The following SMOX variants were observed in gnomAD, a reference collection of about 807,000 sequenced individuals.
The protein encoded by SMOX is spermine oxidase, also known as flavin containing amine oxidase.
Under a neutral mutation model 51.0 loss-of-function variants are expected in SMOX, and 22 were observed. The ratio of observed to expected loss-of-function variants is 0.43; its 90% CI spans 0.31 to 0.62. The LOEUF (loss-of-function observed/expected upper bound fraction) is 0.62, where lower values mean the gene tolerates loss of function less well. Ranked by LOEUF, SMOX falls within the 20% of genes least tolerant of loss-of-function variation. The pLI, the probability that SMOX is intolerant of heterozygous loss-of-function variation, is 0.10. For missense variants in SMOX, 566 were observed against 777.7 expected, an observed-to-expected ratio of 0.73 and a Z score of 3.24; for synonymous variants, 282 against 307.8, an observed-to-expected ratio of 0.92 and a Z score of 0.88.
At chr20:4,175,910 G>GT (rs1299305514) in intron 2 of SMOX, 1 of 147,272 alleles carries the variant, frequency 6.8e-6, no homozygotes, top group East Asian at 2.2e-4. Flanking sequence ...GGGGGTGGGG[G>GT]GGGGATGGTT....
At position 4,166,115 on chromosome 20, in the gene SMOX, GTTGTCAGAGTGTGATCTA is replaced by G. The variant is rs1192566916; in HGVS notation, c.-26-8880_-26-8863del. ...TTGTGCCTAGCGCCTGATCTAATCTGTTGTCAGAGTGTGATCTATTGTCAGAGTGTGATCTATTGTCAG... is the reference window on the plus strand; with the variant it reads ...TTGTGCCTAGCGCCTGATCTAATCTGTTGTCAGAGTGTGATCTATTGTCAG... On this transcript the variant is annotated intron_variant, in intron 1 of 6. Transcript: ENST00000305958. This position sits in a 1 kb window ranked among gnomAD's most constrained non-coding sequence, Gnocchi z 4.2. Among the ~76,000 whole-genome samples, 169 of 150,934 alleles carry G rather than the reference GTTGTCAGAGTGTGATCTA, an allele frequency of 1.1e-3. No homozygotes were observed. The highest frequency in any genetic ancestry group is 4.6e-3 in the Admixed American group (70 of 15,174).
rs550811879 is a variant in SMOX, at chr20:4,172,694, C to T, written c.-26-2336C>T. On this transcript the variant is annotated intron_variant, in intron 1 of 6. Coordinates refer to ENST00000305958, the MANE Select transcript of SMOX (RefSeq NM_175839.3). This position sits in a 1 kb window ranked among gnomAD's most constrained non-coding sequence, Gnocchi z 7.7. ...ACTGGACGCTGCCCGGATGTGGCTCCGGGTCTCGGGCGCCACCTACCGGCC... is the reference window on the plus strand; with the variant it reads ...ACTGGACGCTGCCCGGATGTGGCTCTGGGTCTCGGGCGCCACCTACCGGCC... 3.3e-5 allele frequency among the ~76,000 whole-genome samples: 5 copies of T among 151,926 alleles called. No individual in the cohort carries two copies. The East Asian group carries it at 9.7e-4, about 30-fold the overall frequency.
intron 1 of SMOX, among the ~76,000 whole-genome samples, chr20:4,169,517 T>A (rs1292397888): frequency 4.6e-5 from 7 of 152,176 alleles, no homozygotes; most frequent in Admixed American, 4.6e-4. Context: ...TGTGGTTCAC[T>A]CACAGGGTTT....
In SMOX at chr20:4,172,965, C is replaced by T. The variant is rs80041203; in HGVS notation, c.-26-2065C>T. On this transcript the variant is annotated intron_variant, in intron 1 of 6. Coordinates refer to ENST00000305958, the MANE Select transcript of SMOX (RefSeq NM_175839.3). This position sits in a 1 kb window ranked among gnomAD's most constrained non-coding sequence, Gnocchi z 7.7. ...CATGTCACTTAAGGGATGTTAAGGA[C>T]GCTGCGGTTCCAAGTGGGATAGAAA... Among the ~76,000 whole-genome samples, 20,800 of 152,106 alleles carry T rather than the reference C, an allele frequency of 0.14. 1,537 individuals are homozygous for T. The highest frequency in any genetic ancestry group is 0.26 in the South Asian group (1,277 of 4,830).
At chr20:4,160,206 AAGC>A in intron 1 of SMOX, among the ~76,000 whole-genome samples, 1 of 152,184 alleles carries the variant, frequency 6.6e-6, no homozygotes, top group East Asian at 1.9e-4. Context: ...CCAGGCCAGA[AAGC>A]AGGTAGCTTC....
At position 4,182,666 on chromosome 20, in the gene SMOX, C is replaced by T; in HGVS notation, c.1187C>T (p.Thr396Ile). ...TGGGAGGACGAAGCAGAGAGCCACACCCTCACCTACCCACCTGAGCTCTGG... is the reference window on the plus strand; with the variant it reads ...TGGGAGGACGAAGCAGAGAGCCACATCCTCACCTACCCACCTGAGCTCTGG... ...FVWEDEAESHTLTYPPELWYR... is the reference protein window; with the variant it reads ...FVWEDEAESHILTYPPELWYR... The change falls in exon 5 of 7, where the codon ACC becomes ATC. Residue 396 changes from threonine (T) to isoleucine (I), a missense_variant. Physicochemically the swap from Thr to Ile is moderately conservative, Grantham distance 89 (BLOSUM62 -1). Around this residue, in one of 3 missense-constraint regions of SMOX, gnomAD observed 347 missense variants for 481.8 expected, o/e 0.72. Coordinates refer to ENST00000305958, the MANE Select transcript of SMOX (RefSeq NM_175839.3). The surrounding 1 kb of genome is among the most constrained non-coding windows in gnomAD (Gnocchi z 8.4). 1 of 1,614,136 alleles carries T rather than the reference C, an allele frequency of 6.2e-7. No homozygotes were observed. The highest frequency in any genetic ancestry group is 8.5e-7 in the Non-Finnish European group (1 of 1,180,018).
chr20:4,186,614 C>T, intron 6 of SMOX: 1 of 674,424 alleles, frequency 1.5e-6, no homozygotes, highest in South Asian at 1.7e-5. Flanking sequence ...GTCCTGTCCT[C>T]TGGGAAGCTT....
chr20:4,171,673 CAA>C (rs1417700677), intron 1 of SMOX: 1 of 152,276 alleles, frequency 6.6e-6, no homozygotes, highest in African/African-American at 2.4e-5. Context: ...TGTTTGAGTT[CAA>C]AGTCTCTGAG....
Position 4,183,155 on chromosome 20 carries a change from C to T in SMOX, c.1369+307C>T. ...AAGAGCTGGATTTGCCTTTTACTCT[C>T]TGAGTCTTTCAGCTCAACATTTTTC... On this transcript the variant is annotated intron_variant, in intron 5 of 6. Coordinates refer to ENST00000305958, the MANE Select transcript of SMOX (RefSeq NM_175839.3). This position sits in a 1 kb window ranked among gnomAD's most constrained non-coding sequence, Gnocchi z 4.3. 5.3e-6 allele frequency: 3 copies of T among 569,884 alleles called. No homozygotes were observed. The highest frequency in any genetic ancestry group is 3.1e-6 in the Non-Finnish European group (1 of 322,738). 35.3% of individuals were successfully genotyped at this position (569,884 alleles called of 1,614,324 possible).
chr20:4,183,631 TAC>T lies in SMOX; in HGVS notation c.1511_1512del (p.Thr504ArgfsTer15). Reference protein sequence around the residue: ...DVEKLAKPLPYTESSKTAPMQ... With the variant: ...DVEKLAKPLPXTESSKTAPMQ... Reference sequence around the variant, plus strand: ...GGAGAAGCTGGCCAAGCCCCTGCCGTACACAGAGAGCTCAAAGACAGCGGTAA... The same window carrying T: ...GGAGAAGCTGGCCAAGCCCCTGCCGTACAGAGAGCTCAAAGACAGCGGTAA... On this transcript the variant is annotated frameshift_variant, in exon 6 of 7. Transcript: ENST00000305958. LOFTEE classifies it high-confidence loss of function. The surrounding 1 kb of genome is among the most constrained non-coding windows in gnomAD (Gnocchi z 4.3). 6.3e-7 allele frequency: 1 copy of T among 1,591,236 alleles called. No homozygotes were observed. Among genetic ancestry groups the T allele is most frequent in the Non-Finnish European group, 8.6e-7 (1 of 1,168,884 alleles).
At chr20:4,186,734 C>A (rs1979762003) in intron 6 of SMOX, 1 of 780,932 alleles carries the variant, frequency 1.3e-6, no homozygotes, top group Non-Finnish European at 2.4e-6. Context: ...TGTCTGGCTT[C>A]CTCACCAGCA....
At position 4,177,462 on chromosome 20, in the gene SMOX, G is replaced by A. The variant is rs1325373749; in HGVS notation, c.320G>A (p.Arg107His). The change falls in exon 3 of 7, where the codon CGC becomes CAC. Residue 107 changes from arginine to histidine, a missense_variant. Around this residue, in one of 3 missense-constraint regions of SMOX, gnomAD observed 217 missense variants for 278.4 expected, o/e 0.78. Coordinates refer to ENST00000305958, the MANE Select transcript of SMOX (RefSeq NM_175839.3). The surrounding 1 kb of genome is among the most constrained non-coding windows in gnomAD (Gnocchi z 4.3). The part of the protein sequence containing the change: ...GLLEETTDGE[R>H]SVGRISLYSK... ...CTGGAAGAGACAACCGATGGGGAACGCAGCGTGGGCCGCATCAGCCTCTAT... is the reference window on the plus strand; with the variant it reads ...CTGGAAGAGACAACCGATGGGGAACACAGCGTGGGCCGCATCAGCCTCTAT... 6 of 1,574,210 alleles carry A rather than the reference G, an allele frequency of 3.8e-6. No homozygotes were observed. The highest frequency in any genetic ancestry group is 2.3e-5 in the East Asian group (1 of 43,328).
intron 1 of SMOX, among the ~76,000 whole-genome samples, chr20:4,160,074 A>G (rs6139335): frequency 0.2 from 29,861 of 152,096 alleles, 3,305 homozygotes; most frequent in East Asian, 0.45. Flanking sequence ...CCCTGGCCCT[A>G]TTTATGGAGG....
intron 1 of SMOX, among the ~76,000 whole-genome samples, chr20:4,154,788 G>C (rs946694927): frequency 3.4e-5 from 5 of 147,504 alleles, no homozygotes; most frequent in African/African-American, 1.0e-4. Flanking sequence ...GTGGAACAGG[G>C]AACTAACTAC....
At chr20:4,163,228 C>A (rs1391450789) in intron 1 of SMOX, among the ~76,000 whole-genome samples, 1 of 151,178 alleles carries the variant, frequency 6.6e-6, no homozygotes, top group Admixed American at 6.6e-5. Flanking sequence ...CATGGTTGGG[C>A]CCCACCCCAG....
At chr20:4,161,695 G>T (rs949189302) in intron 1 of SMOX, among the ~76,000 whole-genome samples, 1 of 152,206 alleles carries the variant, frequency 6.6e-6, no homozygotes, top group African/African-American at 2.4e-5. Flanking sequence ...TGTGCAAGCA[G>T]TTAGTTTCCT....
chr20:4,159,896 G>T (rs1218395282), intron 1 of SMOX, among the ~76,000 whole-genome samples: 1 of 152,222 alleles, frequency 6.6e-6, no homozygotes, highest in Admixed American at 6.5e-5. Context: ...TATGGAAAGT[G>T]CTTTATTGGT....
At chr20:4,168,713 C>A (rs569952145) in intron 1 of SMOX, among the ~76,000 whole-genome samples, 2 of 151,852 alleles carry the variant, frequency 1.3e-5, no homozygotes, top group Non-Finnish European at 2.9e-5. Flanking sequence ...CCCGCCACCA[C>A]GCTTGGCTAA....
At chr20:4,171,273 C>T (rs1978369786) in intron 1 of SMOX, among the ~76,000 whole-genome samples, 1 of 152,162 alleles carries the variant, frequency 6.6e-6, no homozygotes, top group South Asian at 2.1e-4. Flanking sequence ...GTTTCTCATA[C>T]ATTAAAACAA....
Sources: allele counts gnomAD v4.1 joint callset (sites outside exome capture counted in the v4.1 genomes callset), GRCh38; gene constraint gnomAD v4.1.1; regional missense constraint gnomAD v4.1.1; non-coding constraint Gnocchi (gnomAD v3.1); transcripts MANE v1.5; gene names NCBI Gene and HGNC (gene_info 2026-07-23, HGNC 2026-07-21).